FARP1: variants seen among roughly 807,000 people sequenced by gnomAD.
FARP1 encodes the protein FERM, ARH/RhoGEF and pleckstrin domain protein 1, also known as FERM, ARHGEF and pleckstrin domain-containing protein 1.
FARP1 carries 52 observed loss-of-function variants against 128.8 expected under a neutral mutation model. The ratio of observed to expected loss-of-function variants is 0.40; its 90% CI spans 0.32 to 0.51. FARP1 has a LOEUF of 0.51. FARP1 is among the 20% of genes least tolerant of loss of function. FARP1 has a pLI of 0.45. For missense variants in FARP1, 1,333 were observed against 1,367.9 expected (o/e 0.97, Z 0.40); for synonymous variants, 580 against 551.8 (o/e 1.05, Z -0.72).
At chr13:98,355,602 A>T (rs958217703) in intron 3 of FARP1, among the ~76,000 whole-genome samples, 4 of 152,202 alleles carry the variant, frequency 2.6e-5, no homozygotes, top group Non-Finnish European at 4.4e-5. Flanking sequence ...TACTTAGGGC[A>T]ATTTTAATAC....
intron 1 of FARP1, chr13:98,177,100 C>T: frequency 6.2e-7 from 1 of 1,600,418 alleles, no homozygotes; most frequent in Non-Finnish European, 8.5e-7. Flanking sequence ...GCTGCTGCTG[C>T]TCTCTCCGTG....
At chr13:98,224,848 C>G (rs1180353808) in intron 2 of FARP1, among the ~76,000 whole-genome samples, 1 of 152,174 alleles carries the variant, frequency 6.6e-6, no homozygotes, top group Non-Finnish European at 1.5e-5. Flanking sequence ...ACCCCTGCCT[C>G]GCTAACCTCA....
In FARP1 at chr13:98,384,773, A is replaced by G. The variant is rs1208583572; in HGVS notation, c.540A>G (p.Leu180=). 3.7e-6 allele frequency: 6 copies of G among 1,613,756 alleles called. No individual in the cohort carries two copies. The highest frequency in any genetic ancestry group is 5.1e-6 in the Non-Finnish European group (6 of 1,179,800). ...DFDEALDREH[L]AKNKYIPQQD... ...ATGAAGCCTTGGACAGAGAGCACTT[A>G]GCAAAAAATAAATACATACCTCAGC... is the stretch of plus-strand genomic sequence containing the variant. The change falls in exon 7 of 27, where the codon TTA becomes TTG. Residue 180 remains leucine, a synonymous_variant. Coordinates refer to ENST00000319562, the MANE Select transcript of FARP1 (RefSeq NM_005766.4).
At chr13:98,327,205 C>G (rs1364479638) in intron 2 of FARP1, among the ~76,000 whole-genome samples, 1 of 152,186 alleles carries the variant, frequency 6.6e-6, no homozygotes, top group African/African-American at 2.4e-5. Context: ...TCAGAAACCT[C>G]TCTCTGTTTT....
In FARP1 at chr13:98,409,352, A is replaced by G. The variant is rs1241303712; in HGVS notation, c.1429A>G (p.Ser477Gly). 6 of 1,608,106 alleles carry G rather than the reference A, an allele frequency of 3.7e-6. No individual in the cohort carries two copies. Among genetic ancestry groups the G allele is most frequent in the Non-Finnish European group, 4.3e-6 (5 of 1,176,190 alleles). The stretch of plus-strand genomic sequence containing the variant: ...TCCCCAAACAGGCTCCCTGACTGGC[A>G]GTCCTCACCTTTCCGAGCTGTCTGT... ...PQPSTGSLTG[S>G]PHLSELSVNS... The change falls in exon 14 of 27, where the codon AGT becomes GGT. Residue 477 changes from serine to glycine, a missense_variant. Ser to Gly is a moderately conservative substitution (Grantham distance 56). Around this residue, in one of 2 missense-constraint regions of FARP1, gnomAD observed 1,009 missense variants for 969.8 expected, o/e 1.04. Transcript: ENST00000319562.
Position 98,368,298 on chromosome 13 carries a change from T to C in FARP1, c.398+103T>C, listed in dbSNP as rs565586304. 122 of 864,532 alleles carry C rather than the reference T, an allele frequency of 1.4e-4. No individual in the cohort carries two copies. The African/African-American group carries it at 1.8e-3, about 13-fold the overall frequency. The allele number at this position is 864,532 out of a possible 1,614,324, so 53.6% of individuals were successfully genotyped here. On this transcript the variant is annotated intron_variant, in intron 5 of 26. Coordinates refer to ENST00000319562, the MANE Select transcript of FARP1 (RefSeq NM_005766.4). Reference sequence around the variant, plus strand: ...CACAAACATTTTCATAATGTTTACTTGACCAGCATCTGTTCTGTACTGAAC... The same window carrying C: ...CACAAACATTTTCATAATGTTTACTCGACCAGCATCTGTTCTGTACTGAAC...
intron 3 of FARP1, among the ~76,000 whole-genome samples, chr13:98,361,059 G>C (rs7318969): frequency 0.44 from 67,482 of 152,064 alleles, 16,607 homozygotes; most frequent in Non-Finnish European, 0.58. Context: ...TGTGACCCTC[G>C]CTGCATAGCA....
intron 2 of FARP1, among the ~76,000 whole-genome samples, chr13:98,314,224 A>G (rs1229846986): frequency 1.3e-5 from 2 of 150,856 alleles, no homozygotes; most frequent in East Asian, 3.9e-4. Context: ...CTGAGATCCT[A>G]CTATATACCT....
chr13:98,306,842 G>A (rs375904874), intron 2 of FARP1, among the ~76,000 whole-genome samples: 2 of 152,268 alleles, frequency 1.3e-5, no homozygotes, highest in East Asian at 1.9e-4. Flanking sequence ...CAAAATCTGT[G>A]CTCTTTATAC....
At position 98,292,714 on chromosome 13, in the gene FARP1, A is replaced by G. The variant is rs148107085; in HGVS notation, c.172-51048A>G. ...AACCATCTATGATAAATTATCATAC[A>G]TGTCACTCATTGTTGTCCAGCCCAA... is the stretch of plus-strand genomic sequence containing the variant. On this transcript the variant is annotated intron_variant, in intron 2 of 26. Transcript: ENST00000319562. Among the ~76,000 whole-genome samples, 3 of 152,300 alleles carry G rather than the reference A, an allele frequency of 2.0e-5. No homozygotes were observed. In the East Asian group the frequency reaches 5.8e-4, roughly 29 times the overall value.
intron 19 of FARP1, among the ~76,000 whole-genome samples, chr13:98,437,082 C>G (rs573460715): frequency 1.3e-5 from 2 of 152,146 alleles, no homozygotes; most frequent in Non-Finnish European, 2.9e-5. Flanking sequence ...GAGATTTGCT[C>G]TGTGAAAATG....
chr13:98,427,570 G>C (rs1376332603), intron 17 of FARP1, among the ~76,000 whole-genome samples: 1 of 152,216 alleles, frequency 6.6e-6, no homozygotes, highest in Non-Finnish European at 1.5e-5. Context: ...CCCCAGTGTG[G>C]TGCTGTTCAG....
intron 1 of FARP1, among the ~76,000 whole-genome samples, chr13:98,181,759 G>T (rs1406756509): frequency 6.6e-6 from 1 of 151,846 alleles, no homozygotes; most frequent in African/African-American, 2.4e-5. Flanking sequence ...CTCCCAAAGT[G>T]CTGGGATTAT....
chr13:98,164,151 T>C (rs2139138729), intron 1 of FARP1, among the ~76,000 whole-genome samples: 1 of 152,324 alleles, frequency 6.6e-6, no homozygotes, highest in East Asian at 1.9e-4. Flanking sequence ...GTTTACCTAA[T>C]AGCATGTAAG....
chr13:98,366,024 A>G (rs1476849959), intron 4 of FARP1, among the ~76,000 whole-genome samples: 1 of 152,114 alleles, frequency 6.6e-6, no homozygotes, highest in African/African-American at 2.4e-5. Context: ...ACAAAGAAAA[A>G]GAATGCTTCC....
intron 21 of FARP1, 23 bp from the exon 22 acceptor site, chr13:98,439,938 A>C: frequency 6.6e-7 from 1 of 1,508,684 alleles, no homozygotes; most frequent in Non-Finnish European, 9.0e-7. Context: ...CCTCATGGTG[A>C]CGTTATCTTC....
chr13:98,206,177 TTGTGTGTGTGTGTGTGTGTGTGTGTG>T (rs3138577), intron 1 of FARP1, among the ~76,000 whole-genome samples: 1 of 146,464 alleles, frequency 6.8e-6, no homozygotes, highest in Non-Finnish European at 1.5e-5. Context: ...TGACTTGAGG[TTGTGTGTGTGTGTGTGTGTGTGTGTG>T]TGTGTGTGTG....
At chr13:98,340,795 C>T (rs1887935602) in intron 2 of FARP1, 1 of 152,214 alleles carries the variant, frequency 6.6e-6, no homozygotes, top group Non-Finnish European at 1.5e-5. Flanking sequence ...CAGCTCATTG[C>T]TCCCTACATT....
At chr13:98,407,634 A>G (rs371216247) in intron 13 of FARP1, 13 of 152,332 alleles carry the variant, frequency 8.5e-5, no homozygotes, top group African/African-American at 3.1e-4. Context: ...TAAAAATGCA[A>G]GCTTACTGAA....
Sources: gnomAD v4.1 joint callset for allele counts (sites outside exome capture counted in the v4.1 genomes callset) on GRCh38, gnomAD v4.1.1 for gene constraint, gnomAD v4.1.1 regional missense constraint, MANE v1.5 for transcripts, NCBI Gene and HGNC (gene_info 2026-07-23, HGNC 2026-07-21) for gene names.